Variants in GRID1 observed in about 807,000 individuals in gnomAD.
The protein encoded by GRID1 is glutamate ionotropic receptor delta type subunit 1.
Under a neutral mutation model 98.0 loss-of-function variants are expected in GRID1, and 28 were observed. The observed-to-expected ratio is 0.29, with a 90% CI of 0.21 to 0.39. The LOEUF is 0.39. Ranked by LOEUF, GRID1 falls within the 10% of genes least tolerant of loss-of-function variation. The pLI, the probability that GRID1 is intolerant of heterozygous loss-of-function variation, is 1.00. For synonymous variants in GRID1, 553 were observed against 538.5 expected (o/e 1.03, Z -0.37); for missense variants, 1,111 against 1,340.5 (o/e 0.83, Z 2.67).
At chr10:85,840,605 A>G (rs900968064) in intron 8 of GRID1, among the ~76,000 whole-genome samples, 2 of 152,200 alleles carry the variant, frequency 1.3e-5, no homozygotes, top group African/African-American at 4.8e-5. Flanking sequence ...CTCTGATCAA[A>G]AGTTTCTTAA....
At position 85,867,728 on chromosome 10, in the gene GRID1, G is replaced by T. The variant is rs182016007; in HGVS notation, c.951+1282C>A. Among the ~76,000 whole-genome samples, 341 of 152,304 alleles carry T rather than the reference G, an allele frequency of 2.2e-3. 2 individuals carry two copies. Among genetic ancestry groups the T allele is most frequent in the African/African-American group, 7.5e-3 (313 of 41,564 alleles). ...GCGGGGGCCTTGGGTCCACTCTCTT[G>T]GCCACCCCTCCACCGCCTTAGAAAG... On this transcript the variant is annotated intron_variant, in intron 6 of 15. Coordinates refer to ENST00000327946, the MANE Select transcript of GRID1 (RefSeq NM_017551.3).
chr10:86,065,138 A>G (rs1843700894), intron 4 of GRID1, among the ~76,000 whole-genome samples: 1 of 152,134 alleles, frequency 6.6e-6, no homozygotes, highest in Admixed American at 6.5e-5. Context: ...ATAGACATCT[A>G]TCTGAGATTG....
At chr10:86,193,402 T>C (rs997452588) in intron 3 of GRID1, among the ~76,000 whole-genome samples, 45 of 152,098 alleles carry the variant, frequency 3.0e-4, no homozygotes, top group African/African-American at 8.0e-4. Flanking sequence ...CTCTTTATGA[T>C]CCATTAGCAA....
chr10:85,828,179 G>T (rs544273777), intron 8 of GRID1, among the ~76,000 whole-genome samples: 1 of 152,134 alleles, frequency 6.6e-6, no homozygotes, highest in African/African-American at 2.4e-5. Context: ...ACCTGCTCCC[G>T]AATGCCATTT....
intron 12 of GRID1, among the ~76,000 whole-genome samples, chr10:85,668,363 T>C (rs1360413352): frequency 6.6e-6 from 1 of 152,214 alleles, no homozygotes; most frequent in African/African-American, 2.4e-5. Flanking sequence ...TGGGCATCTG[T>C]GGGCTGATGT....
At chr10:86,245,522 GCTTTACTCCATTCCTCCTCTACCA>G in intron 2 of GRID1, among the ~76,000 whole-genome samples, 1 of 148,414 alleles carries the variant, frequency 6.7e-6, no homozygotes, top group South Asian at 2.2e-4. Flanking sequence ...TCTACCATTT[GCTTTACTCCATTCCTCCTCTACCA>G]TTCGCTTTAC....
At chr10:85,970,799 A>G (rs962921759) in intron 4 of GRID1, among the ~76,000 whole-genome samples, 2 of 152,078 alleles carry the variant, frequency 1.3e-5, no homozygotes, top group Admixed American at 6.6e-5. Context: ...TGCAACTTCT[A>G]CTCAATATTG....
chr10:86,350,505 C>T (rs1343425080), intron 2 of GRID1, among the ~76,000 whole-genome samples: 1 of 152,172 alleles, frequency 6.6e-6, no homozygotes, highest in Admixed American at 6.5e-5. Flanking sequence ...AGGAGAGCAC[C>T]GGCTTGGCTG....
intron 3 of GRID1, among the ~76,000 whole-genome samples, chr10:86,156,823 T>C (rs1368593675): frequency 6.6e-6 from 1 of 152,208 alleles, no homozygotes; most frequent in Non-Finnish European, 1.5e-5. Flanking sequence ...ATAGGAGGGA[T>C]ACCCTAAAGT....
intron 12 of GRID1, among the ~76,000 whole-genome samples, chr10:85,651,977 T>A (rs1344494580): frequency 1.3e-5 from 2 of 152,248 alleles, no homozygotes; most frequent in Non-Finnish European, 2.9e-5. Context: ...GCTGTTTCTC[T>A]GTATCTCCTG....
intron 8 of GRID1, among the ~76,000 whole-genome samples, chr10:85,758,011 T>C (rs936572470): frequency 1.3e-5 from 2 of 152,204 alleles, no homozygotes; most frequent in Admixed American, 6.5e-5. Context: ...TGACCTTCCT[T>C]GGACATTGAG....
intron 4 of GRID1, among the ~76,000 whole-genome samples, chr10:86,004,735 C>T (rs1181331664): frequency 8.6e-6 from 1 of 115,696 alleles, no homozygotes; most frequent in East Asian, 2.8e-4. Context: ...TCTACACACA[C>T]ACACTCACAC....
Position 86,206,313 on chromosome 10 carries a change from C to G in GRID1, c.520+51G>C. 1 of 1,542,166 alleles carries G rather than the reference C, an allele frequency of 6.5e-7. No individual in the cohort carries two copies. Among genetic ancestry groups the G allele is most frequent in the South Asian group, 1.2e-5 (1 of 80,752 alleles). The stretch of plus-strand genomic sequence containing the variant: ...CACCCACTCTCAGGTCTCCCAGCAT[C>G]TGGCCATCCCTGTCCCCAAGCAGCC... On this transcript the variant is annotated intron_variant, in intron 3 of 15. Coordinates refer to ENST00000327946, the MANE Select transcript of GRID1 (RefSeq NM_017551.3). This position sits in a 1 kb window ranked among gnomAD's most constrained non-coding sequence, Gnocchi z 4.1.
At chr10:85,943,254 G>C (rs1376000118) in intron 4 of GRID1, among the ~76,000 whole-genome samples, 1 of 152,032 alleles carries the variant, frequency 6.6e-6, no homozygotes, top group East Asian at 1.9e-4. Flanking sequence ...TTCTGTGAGG[G>C]AAAATGATTA....
intron 8 of GRID1, among the ~76,000 whole-genome samples, chr10:85,822,527 G>A (rs2131753288): frequency 6.6e-6 from 1 of 152,262 alleles, no homozygotes; most frequent in African/African-American, 2.4e-5. Flanking sequence ...TCATTAAAAA[G>A]TCAGGAAACA....
intron 8 of GRID1, among the ~76,000 whole-genome samples, chr10:85,842,476 T>TA (rs1564607127): frequency 2.6e-5 from 4 of 151,690 alleles, no homozygotes; most frequent in African/African-American, 2.4e-5. Context: ...AATAAAAATT[T>TA]AAAAAATCAA....
At chr10:85,870,827 C>T (rs571590388) in intron 5 of GRID1, among the ~76,000 whole-genome samples, 80 of 152,128 alleles carry the variant, frequency 5.3e-4, no homozygotes, top group Non-Finnish European at 8.2e-4. Flanking sequence ...CCATTCAGGG[C>T]CAGATGGGAG....
intron 13 of GRID1, chr10:85,644,004 T>C (rs1285159532): frequency 3.9e-5 from 6 of 152,274 alleles, no homozygotes; most frequent in South Asian, 2.1e-4. Context: ...AGAACAATGA[T>C]GAGGTGTTTC....
intron 2 of GRID1, among the ~76,000 whole-genome samples, chr10:86,305,256 C>A (rs1388732106): frequency 3.3e-5 from 5 of 152,188 alleles, no homozygotes; most frequent in Non-Finnish European, 7.3e-5. Flanking sequence ...CTCATGTAAG[C>A]TAATTCCATC....
Sources: gnomAD v4.1 joint callset for allele counts (sites outside exome capture counted in the v4.1 genomes callset) on GRCh38, gnomAD v4.1.1 for gene constraint, Gnocchi (gnomAD v3.1) non-coding constraint, MANE v1.5 for transcripts, NCBI Gene and HGNC (gene_info 2026-07-23, HGNC 2026-07-21) for gene names.